Variants in LYPLAL1 observed in about 807,000 individuals in gnomAD.
LYPLAL1 encodes the protein lysophospholipase like 1.
Under a neutral mutation model 19.7 loss-of-function variants are expected in LYPLAL1, and 23 were observed. The ratio of observed to expected loss-of-function variants is 1.17; its 90% CI spans 0.84 to 1.65. The LOEUF (loss-of-function observed/expected upper bound fraction) is 1.65. Ranked by LOEUF, LYPLAL1 falls within the 40% of genes most tolerant of loss-of-function variation. LYPLAL1 has a pLI of 0.00. For synonymous variants in LYPLAL1, 119 were observed against 96.3 expected (o/e 1.24, Z -1.38); for missense variants, 355 against 279.4 (o/e 1.27, Z -1.93).
At chr1:219,408,701 A>G in the LYPLAL1 span, among the ~76,000 whole-genome samples, 6 of 152,048 alleles carry the variant, frequency 3.9e-5, no homozygotes, top group African/African-American at 1.2e-4. Flanking sequence ...CTTGAGATGA[A>G]CCATGAATGA....
the LYPLAL1 span, among the ~76,000 whole-genome samples, chr1:219,311,528 G>A: frequency 1.0e-5 from 1 of 95,718 alleles, no homozygotes; most frequent in Non-Finnish European, 2.1e-5. Context: ...CTTCTATGTT[G>A]TAGGTGTTTT....
the LYPLAL1 span, among the ~76,000 whole-genome samples, chr1:219,404,348 G>A: frequency 3.9e-5 from 6 of 152,134 alleles, no homozygotes; most frequent in Non-Finnish European, 1.5e-5. Context: ...ATCCAAAAGA[G>A]TAATCCTTTT....
chr1:219,440,016 C>CATATATATATATATATATAT, the LYPLAL1 span, among the ~76,000 whole-genome samples: 1 of 99,466 alleles, frequency 1.0e-5, no homozygotes, highest in African/African-American at 5.0e-5. Flanking sequence ...TATATATACA[C>CATATATATATATATATATAT]ACACACACAT....
At chr1:219,403,303 A>G in the LYPLAL1 span, among the ~76,000 whole-genome samples, 1 of 152,166 alleles carries the variant, frequency 6.6e-6, no homozygotes, top group Non-Finnish European at 1.5e-5. Context: ...CACTCACAAC[A>G]TAGGGACCTA....
chr1:219,352,915 CA>C, the LYPLAL1 span, among the ~76,000 whole-genome samples: 1 of 152,196 alleles, frequency 6.6e-6, no homozygotes, highest in East Asian at 1.9e-4. Context: ...TCCTTTTGCT[CA>C]AAAACATTCA....
the LYPLAL1 span, among the ~76,000 whole-genome samples, chr1:219,306,247 T>C: frequency 6.6e-6 from 1 of 152,204 alleles, no homozygotes. Context: ...CTGTCAGATA[T>C]GTAACTTGTA....
intron 3 of LYPLAL1, among the ~76,000 whole-genome samples, chr1:219,205,097 A>G (rs970563539): frequency 6.6e-6 from 1 of 152,160 alleles, no homozygotes; most frequent in Non-Finnish European, 1.5e-5. Flanking sequence ...CTACATGCAC[A>G]CACACATAAA....
the LYPLAL1 span, among the ~76,000 whole-genome samples, chr1:219,345,103 TA>T: frequency 6.6e-6 from 1 of 152,222 alleles, no homozygotes; most frequent in African/African-American, 2.4e-5. Flanking sequence ...AATTAATAAA[TA>T]GGAATATTTC....
At chr1:219,341,569 T>G in the LYPLAL1 span, among the ~76,000 whole-genome samples, 1 of 152,146 alleles carries the variant, frequency 6.6e-6, no homozygotes, top group East Asian at 1.9e-4. Flanking sequence ...TGTTTTATTT[T>G]GTTTTAATGT....
At chr1:219,248,723 A>G in the LYPLAL1 span, among the ~76,000 whole-genome samples, 2 of 152,250 alleles carry the variant, frequency 1.3e-5, no homozygotes, top group African/African-American at 2.4e-5. Context: ...CGTGAAGGCT[A>G]TAGTAAAAAT....
At chr1:219,336,391 A>C in the LYPLAL1 span, among the ~76,000 whole-genome samples, 1 of 151,886 alleles carries the variant, frequency 6.6e-6, no homozygotes, top group Non-Finnish European at 1.5e-5. Context: ...CAAGATAATG[A>C]CACCTATTTT....
the LYPLAL1 span, among the ~76,000 whole-genome samples, chr1:219,414,386 C>T: frequency 1.3e-5 from 2 of 152,150 alleles, no homozygotes; most frequent in Non-Finnish European, 1.5e-5. Context: ...CTGACTGGCA[C>T]TCAATGGAGC....
the LYPLAL1 span, among the ~76,000 whole-genome samples, chr1:219,234,064 T>C: frequency 6.6e-6 from 1 of 152,140 alleles, no homozygotes; most frequent in South Asian, 2.1e-4. Flanking sequence ...TACTAAGTAT[T>C]GCTATTTTGG....
At chr1:219,262,179 G>C in the LYPLAL1 span, among the ~76,000 whole-genome samples, 1 of 151,936 alleles carries the variant, frequency 6.6e-6, no homozygotes, top group South Asian at 2.1e-4. Flanking sequence ...CTCTAAATGT[G>C]TCTTTCATTT....
chr1:219,335,553 G>A, the LYPLAL1 span, among the ~76,000 whole-genome samples: 393 of 151,868 alleles, frequency 2.6e-3, 3 homozygotes, highest in African/African-American at 8.2e-3. Context: ...AGAAAAAATG[G>A]GGTTTATATT....
the LYPLAL1 span, among the ~76,000 whole-genome samples, chr1:219,296,061 A>G: frequency 6.6e-6 from 1 of 152,216 alleles, no homozygotes; most frequent in African/African-American, 2.4e-5. Context: ...TATCTGATAA[A>G]TAATAAATTA....
chr1:219,298,285 C>T, the LYPLAL1 span, among the ~76,000 whole-genome samples: 16 of 152,036 alleles, frequency 1.1e-4, no homozygotes, highest in African/African-American at 1.4e-4. Flanking sequence ...ACTCCAGCCT[C>T]GGTGCTGGAG....
chr1:219,194,607 C>T (rs933710368), intron 3 of LYPLAL1, among the ~76,000 whole-genome samples: 5 of 151,950 alleles, frequency 3.3e-5, no homozygotes, highest in African/African-American at 1.2e-4. Flanking sequence ...CTTTTCAAAG[C>T]CAATGATAGT....
chr1:219,336,131 G>A, the LYPLAL1 span, among the ~76,000 whole-genome samples: 1 of 151,428 alleles, frequency 6.6e-6, no homozygotes, highest in Admixed American at 6.6e-5. Context: ...CATCAACAAA[G>A]TGTATCTTTG....
Sources: gnomAD v4.1 joint callset for allele counts (sites outside exome capture counted in the v4.1 genomes callset) on GRCh38, gnomAD v4.1.1 for gene constraint, MANE v1.5 for transcripts, NCBI Gene and HGNC (gene_info 2026-07-23, HGNC 2026-07-21) for gene names.